Variants in TRIM71 observed in about 807,000 individuals in gnomAD.
TRIM71 encodes E3 ubiquitin-protein ligase TRIM71.
A neutral mutation model predicts 61.2 loss-of-function variants in TRIM71; 9 were observed. The ratio of observed to expected loss-of-function variants is 0.15; its 90% CI spans 0.09 to 0.26. TRIM71 has a LOEUF of 0.26. Ranked by LOEUF, TRIM71 falls within the 10% of genes least tolerant of loss-of-function variation. TRIM71 has a pLI of 1.00. For synonymous variants in TRIM71, 645 were observed against 553.2 expected, an observed-to-expected ratio of 1.17 and a Z score of -2.33; for missense variants, 998 against 1,238.7, an observed-to-expected ratio of 0.81 and a Z score of 2.92.
At chr3:32,820,144 C>G (rs537015942) in intron 1 of TRIM71, among the ~76,000 whole-genome samples, 10 of 152,342 alleles carry the variant, frequency 6.6e-5, no homozygotes, top group Non-Finnish European at 1.5e-4. Context: ...AGAGCGTAAG[C>G]TGGAGACTGC....
intron 1 of TRIM71, 109 bp downstream of exon 1, chr3:32,819,041 G>A: frequency 7.8e-7 from 1 of 1,280,816 alleles, no homozygotes; most frequent in South Asian, 1.3e-5. Flanking sequence ...TCCGGATTTG[G>A]TTTGTATTTC....
In TRIM71 at chr3:32,872,607, G is replaced by A. The variant is rs1048583195; in HGVS notation, c.853-1211G>A. ...CAGAATGAGCTTCTATTCAGTCTGC[G>A]CAGAATCGCCTGGAATCTCACATCC... On this transcript the variant is annotated intron_variant, in intron 1 of 3. Transcript: ENST00000383763. Among the ~76,000 whole-genome samples the A allele has an allele frequency of 5.3e-5, 8 of 152,252 alleles. No homozygotes were observed. The East Asian group carries it at 5.8e-4, about 11-fold the overall frequency.
intron 3 of TRIM71, among the ~76,000 whole-genome samples, chr3:32,887,225 C>G (rs1463130805): frequency 6.6e-6 from 1 of 152,134 alleles, no homozygotes; most frequent in Non-Finnish European, 1.5e-5. Flanking sequence ...ACCTTAGTTA[C>G]CCTCCCTCCT....
At chr3:32,860,315 C>T (rs1054814736) in intron 1 of TRIM71, among the ~76,000 whole-genome samples, 5 of 151,948 alleles carry the variant, frequency 3.3e-5, no homozygotes, top group African/African-American at 7.3e-5. Flanking sequence ...CCCACCACCA[C>T]GCCCAGCTAT....
chr3:32,819,810 G>A (rs1017319604), intron 1 of TRIM71, among the ~76,000 whole-genome samples: 1 of 152,312 alleles, frequency 6.6e-6, no homozygotes, highest in Non-Finnish European at 1.5e-5. Flanking sequence ...GTATCCACCC[G>A]GCTCAACCAG....
In TRIM71 at chr3:32,891,062, A is replaced by T. The variant is rs372867077; in HGVS notation, c.1858A>T (p.Ile620Phe). The T allele has an allele frequency of 1.9e-6, 3 of 1,612,616 alleles. No individual in the cohort carries two copies. ...WGVSVDKEGY[I>F]IVADRSNNRI... ...TGTGAGTGTAGACAAGGAGGGCTAC[A>T]TCATTGTCGCCGACCGCAGCAACAA... The change falls in exon 4 of 4, where the codon ATC (isoleucine) becomes TTC (phenylalanine). Residue 620 changes from isoleucine to phenylalanine, a missense_variant. Physicochemically the swap from Ile to Phe is conservative, Grantham distance 21 (BLOSUM62 0). Coordinates refer to ENST00000383763, the MANE Select transcript of TRIM71 (RefSeq NM_001039111.3). This position sits in a 1 kb window ranked among gnomAD's most constrained non-coding sequence, Gnocchi z 8.2.
At chr3:32,822,261 A>G (rs1305781506) in intron 1 of TRIM71, among the ~76,000 whole-genome samples, 1 of 152,136 alleles carries the variant, frequency 6.6e-6, no homozygotes, top group African/African-American at 2.4e-5. Context: ...GAGGATGGCA[A>G]TATTGTTCCC....
chr3:32,873,806 T>C lies in TRIM71; in HGVS notation c.853-12T>C. On this transcript the variant is annotated splice_polypyrimidine_tract_variant and intron_variant, in intron 1 of 3. Coordinates refer to ENST00000383763, the MANE Select transcript of TRIM71 (RefSeq NM_001039111.3). ...CATCTCCATTTATGCCTGTACCCTC[T>C]CTTGTCCCCAGGTGCTGCACCTGTA... 6.4e-7 allele frequency: 1 copy of C among 1,551,558 alleles called. No homozygotes were observed. Among genetic ancestry groups the C allele is most frequent in the South Asian group, 1.2e-5 (1 of 81,262 alleles).
At chr3:32,856,092 A>G (rs1382702711) in intron 1 of TRIM71, among the ~76,000 whole-genome samples, 1 of 152,190 alleles carries the variant, frequency 6.6e-6, no homozygotes. Context: ...ATCTGGGCTC[A>G]CTGCAAGCTC....
intron 1 of TRIM71, among the ~76,000 whole-genome samples, chr3:32,871,300 A>G (rs1015215187): frequency 2.0e-5 from 3 of 152,162 alleles, no homozygotes; most frequent in Admixed American, 1.3e-4. Flanking sequence ...TACAATTTGC[A>G]AGAGCCCCTT....
At chr3:32,826,052 C>A (rs1229488672) in intron 1 of TRIM71, among the ~76,000 whole-genome samples, 2 of 152,154 alleles carry the variant, frequency 1.3e-5, no homozygotes, top group East Asian at 3.8e-4. Flanking sequence ...CAAAGTAAAT[C>A]TTTGCCTCTC....
At chr3:32,847,930 A>G (rs1480173333) in intron 1 of TRIM71, among the ~76,000 whole-genome samples, 1 of 152,222 alleles carries the variant, frequency 6.6e-6, no homozygotes, top group Non-Finnish European at 1.5e-5. Flanking sequence ...TATTGACATA[A>G]TATTTACATT....
chr3:32,867,507 C>G (rs865962840), intron 1 of TRIM71, among the ~76,000 whole-genome samples: 1 of 151,978 alleles, frequency 6.6e-6, no homozygotes, highest in African/African-American at 2.4e-5. Context: ...GGCTGGAGTG[C>G]GGCGGTGCGA....
intron 1 of TRIM71, among the ~76,000 whole-genome samples, chr3:32,831,282 T>C (rs1343849162): frequency 4.0e-5 from 6 of 151,382 alleles, no homozygotes; most frequent in Non-Finnish European, 5.9e-5. Context: ...CTATGTGACC[T>C]TGGACAAGTC....
chr3:32,818,464 C>T lies in TRIM71; in HGVS notation c.384C>T (p.Asp128=). Reference sequence around the variant, plus strand: ...TCGACGCGGTGGTGGCCACTGCCGACGAGCCGCCGCCCAAGAACGGGCGCG... The same window carrying T: ...TCGACGCGGTGGTGGCCACTGCCGATGAGCCGCCGCCCAAGAACGGGCGCG... The part of the protein sequence containing the change: ...NLLDAVVATA[D]EPPPKNGRAG... The change falls in exon 1 of 4, where the codon GAC becomes GAT. Residue 128 remains aspartate, a synonymous_variant. Transcript: ENST00000383763. The T allele has an allele frequency of 1.4e-6, 2 of 1,454,630 alleles. No individual in the cohort carries two copies. The highest frequency in any genetic ancestry group is 1.8e-6 in the Non-Finnish European group (2 of 1,108,204). The allele number at this position is 1,454,630 out of a possible 1,614,324, so 90.1% of individuals were successfully genotyped here. A position where few individuals can be genotyped will look rare whatever the true frequency, so the allele number is the denominator to read the frequency against.
At chr3:32,869,835 C>T (rs1443512918) in intron 1 of TRIM71, among the ~76,000 whole-genome samples, 1 of 152,178 alleles carries the variant, frequency 6.6e-6, no homozygotes, top group African/African-American at 2.4e-5. Flanking sequence ...GGTCAGAGGT[C>T]AAGCCTCCTC....
intron 2 of TRIM71, among the ~76,000 whole-genome samples, chr3:32,875,595 C>T (rs752105748): frequency 1.8e-4 from 28 of 152,164 alleles, no homozygotes; most frequent in Non-Finnish European, 2.6e-4. Flanking sequence ...AATCCTAGCA[C>T]GTTGGGAGGC....
At chr3:32,864,336 G>A (rs963815122) in intron 1 of TRIM71, among the ~76,000 whole-genome samples, 5 of 152,368 alleles carry the variant, frequency 3.3e-5, no homozygotes, top group African/African-American at 1.2e-4. Flanking sequence ...GACACCCCAA[G>A]CACAGGTGTG....
At position 32,893,502 on chromosome 3, in the gene TRIM71, G is replaced by A. The variant is rs183025064; in HGVS notation, c.*1691G>A. ...TGCAATGCCCCAAATACTGAAATAAGAACCAAATTCTGGAGGAGCCCTCCT... is the reference window on the plus strand; with the variant it reads ...TGCAATGCCCCAAATACTGAAATAAAAACCAAATTCTGGAGGAGCCCTCCT... On this transcript the variant is annotated 3_prime_UTR_variant, in exon 4 of 4. Transcript: ENST00000383763. The A allele has an allele frequency of 2.6e-5, 4 of 152,164 alleles. No individual in the cohort carries two copies. The East Asian group carries it at 7.7e-4, about 29-fold the overall frequency. The allele number at this position is 152,164 out of a possible 1,614,324, so 9.4% of individuals were successfully genotyped here.
Sources: allele counts gnomAD v4.1 joint callset (sites outside exome capture counted in the v4.1 genomes callset), GRCh38; gene constraint gnomAD v4.1.1; non-coding constraint Gnocchi (gnomAD v3.1); transcripts MANE v1.5; gene names NCBI Gene and HGNC (gene_info 2026-07-23, HGNC 2026-07-21).